Variants in C13orf46 observed in about 807,000 individuals in gnomAD.
The protein encoded by C13orf46 is uncharacterized protein C13orf46.
chr13:113,931,332 T>C, the C13orf46 span, among the ~76,000 whole-genome samples: 1 of 152,232 alleles, frequency 6.6e-6, no homozygotes, highest in Non-Finnish European at 1.5e-5. Context: ...CTGTGGCTCC[T>C]GGACAGTTTC....
intron 1 of C13orf46, among the ~76,000 whole-genome samples, chr13:113,973,188 G>A (rs1483257005): frequency 6.6e-6 from 1 of 152,190 alleles, no homozygotes; most frequent in Admixed American, 6.5e-5. Flanking sequence ...ACGGCCACAG[G>A]CCTCCCTCAT....
chr13:113,972,153 C>T (rs1233909211), intron 1 of C13orf46, among the ~76,000 whole-genome samples: 3 of 152,188 alleles, frequency 2.0e-5, no homozygotes, highest in South Asian at 2.1e-4. Flanking sequence ...CCTCTAAGTC[C>T]GCACTGTGGT....
At chr13:113,937,105 A>C in the C13orf46 span, among the ~76,000 whole-genome samples, 1 of 152,234 alleles carries the variant, frequency 6.6e-6, no homozygotes, top group African/African-American at 2.4e-5. Flanking sequence ...GCCCAAGCCC[A>C]GGAATAATTA....
At chr13:113,952,863 A>G (rs1284931660), downstream of C13orf46, among the ~76,000 whole-genome samples, 1 of 152,218 alleles carries the variant, frequency 6.6e-6, no homozygotes, top group African/African-American at 2.4e-5. Context: ...CAGCAGCAGG[A>G]ACACGCTCAT....
downstream of C13orf46, among the ~76,000 whole-genome samples, chr13:113,952,817 C>T (rs928846665): frequency 2.8e-4 from 43 of 152,354 alleles, no homozygotes; most frequent in Admixed American, 2.6e-3. Flanking sequence ...TCGACCCCAG[C>T]GCTGCTGCCT....
In C13orf46 at chr13:113,955,309, AGAGGAGTAGTATCTGGTGGAGAG is replaced by A. The variant is rs2052516619; in HGVS notation, c.*1441_*1463del. ...GGCGGAGAGGAGTAGTATCTGGCAG[AGAGGAGTAGTATCTGGTGGAGAG>A]GAGGAGTAGTATCTGGTGGAGAGGA... On this transcript the variant is annotated 3_prime_UTR_variant, in exon 7 of 7. Transcript: ENST00000636427. 14 of 111,658 alleles carry A rather than the reference AGAGGAGTAGTATCTGGTGGAGAG, an allele frequency of 1.3e-4. No homozygotes were observed. Among genetic ancestry groups the A allele is most frequent in the Admixed American group, 5.6e-4 (5 of 8,938 alleles). 6.9% of individuals were successfully genotyped at this position (111,658 alleles called of 1,614,324 possible). A position where few individuals can be genotyped will look rare whatever the true frequency, so the allele number is the denominator to read the frequency against.
At chr13:113,942,251 GGGA>G in the C13orf46 span, among the ~76,000 whole-genome samples, 1 of 152,192 alleles carries the variant, frequency 6.6e-6, no homozygotes, top group African/African-American at 2.4e-5. Flanking sequence ...CACGCAGCCC[GGGA>G]GGAGGGACCC....
intron 1 of C13orf46, among the ~76,000 whole-genome samples, chr13:113,971,527 G>A (rs9796292): frequency 0.31 from 46,925 of 152,164 alleles, 8,197 homozygotes; most frequent in East Asian, 0.45. Flanking sequence ...GGAACCCAGC[G>A]GATTCTCACT....
At chr13:113,958,069 C>T (rs1349189992) in intron 6 of C13orf46, among the ~76,000 whole-genome samples, 4 of 149,934 alleles carry the variant, frequency 2.7e-5, no homozygotes, top group Non-Finnish European at 5.9e-5. Context: ...GGGGGGTCTC[C>T]CCTGCACTCT....
intron 6 of C13orf46, 30 bp downstream of exon 6, chr13:113,964,894 CCCA>C (rs1246018882): frequency 3.3e-5 from 5 of 152,238 alleles, no homozygotes; most frequent in African/African-American, 1.2e-4. Flanking sequence ...TCCTCCTACC[CCCA>C]CCTAGTGTGA....
At chr13:113,952,901 G>A (rs1468259146), downstream of C13orf46, among the ~76,000 whole-genome samples, 2 of 152,256 alleles carry the variant, frequency 1.3e-5, no homozygotes, top group Admixed American at 6.5e-5. Flanking sequence ...GGCAGAGGCA[G>A]CCCCCGGCCT....
At chr13:113,953,039 C>T (rs1261092764), downstream of C13orf46, among the ~76,000 whole-genome samples, 1 of 152,258 alleles carries the variant, frequency 6.6e-6, no homozygotes, top group East Asian at 1.9e-4. Flanking sequence ...TAAGACGGGG[C>T]TTGGCCTCAC....
intron 6 of C13orf46, among the ~76,000 whole-genome samples, chr13:113,957,137 C>T (rs2052542453): frequency 6.7e-6 from 1 of 148,172 alleles, no homozygotes; most frequent in African/African-American, 2.5e-5. Context: ...ATCAAGCACA[C>T]TGGGGGGTCT....
At chr13:113,933,997 T>C in the C13orf46 span, among the ~76,000 whole-genome samples, 2 of 152,210 alleles carry the variant, frequency 1.3e-5, no homozygotes, top group Non-Finnish European at 2.9e-5. Flanking sequence ...TGTGGATTTC[T>C]GTAACCACAA....
At chr13:113,972,174 G>A (rs962559022) in intron 1 of C13orf46, among the ~76,000 whole-genome samples, 1 of 152,164 alleles carries the variant, frequency 6.6e-6, no homozygotes, top group Non-Finnish European at 1.5e-5. Context: ...GGCATCGGGC[G>A]GCATTATTGG....
At chr13:113,933,924 C>T in the C13orf46 span, among the ~76,000 whole-genome samples, 1 of 152,278 alleles carries the variant, frequency 6.6e-6, no homozygotes, top group African/African-American at 2.4e-5. Flanking sequence ...TCCTAGGTTT[C>T]CGTGTGTTTG....
At chr13:113,934,580 A>C in the C13orf46 span, among the ~76,000 whole-genome samples, 1 of 152,254 alleles carries the variant, frequency 6.6e-6, no homozygotes, top group Non-Finnish European at 1.5e-5. Flanking sequence ...GGGAAAAGAA[A>C]GATTGTGTGT....
chr13:113,968,309 C>G (rs2052669753), intron 4 of C13orf46, among the ~76,000 whole-genome samples, 158 bp downstream of exon 4: 1 of 152,210 alleles, frequency 6.6e-6, no homozygotes, highest in Non-Finnish European at 1.5e-5. Flanking sequence ...CCCCAAGCCT[C>G]TCTAGGGTAG....
At chr13:113,931,437 G>A in the C13orf46 span, among the ~76,000 whole-genome samples, 1 of 152,176 alleles carries the variant, frequency 6.6e-6, no homozygotes, top group African/African-American at 2.4e-5. Context: ...TTGAGTTCAG[G>A]GAGGGGCAAT....
Sources: gnomAD v4.1 joint callset for allele counts (sites outside exome capture counted in the v4.1 genomes callset) on GRCh38, gnomAD v4.1.1 for gene constraint, MANE v1.5 for transcripts, NCBI Gene and HGNC (gene_info 2026-07-23, HGNC 2026-07-21) for gene names.